The following PTBP1 variants were observed in gnomAD, a reference collection of about 807,000 sequenced individuals.
The protein encoded by PTBP1 is polypyrimidine tract binding protein 1, also known as polypyrimidine tract-binding protein 1.
A neutral mutation model predicts 59.8 loss-of-function variants in PTBP1; 8 were observed. The observed-to-expected ratio is 0.13, with a 90% confidence interval of 0.08 to 0.24. The LOEUF (loss-of-function observed/expected upper bound fraction) is 0.24, where lower values mean the gene tolerates loss of function less well. PTBP1 is among the 10% of genes least tolerant of loss of function. The pLI, the probability that PTBP1 is intolerant of heterozygous loss-of-function variation, is 1.00. For missense variants in PTBP1, 686 were observed against 767.0 expected, an observed-to-expected ratio of 0.89 and a Z score of 1.25; for synonymous variants, 490 against 320.7, an observed-to-expected ratio of 1.53 and a Z score of -5.64.
At position 811,592 on chromosome 19, in the gene PTBP1, G is replaced by C. The variant is rs2034878394; in HGVS notation, c.*766G>C. 6.6e-6 allele frequency: 1 copy of C among 152,368 alleles called. No individual in the cohort carries two copies. Among genetic ancestry groups the C allele is most frequent in the South Asian group, 2.1e-4 (1 of 4,834 alleles). The allele number at this position is 152,368 out of a possible 1,614,324, so 9.4% of individuals were successfully genotyped here. The stretch of plus-strand genomic sequence containing the variant: ...TGAGTGTAATCTAAACTTCCTTGTG[G>C]TATTACCTTGTATGCTGTTACTTTT... On this transcript the variant is annotated 3_prime_UTR_variant, in exon 15 of 15. Transcript: ENST00000356948.
intron 13 of PTBP1, among the ~76,000 whole-genome samples, chr19:810,127 T>G (rs1294475865): frequency 6.6e-6 from 1 of 152,186 alleles, no homozygotes; most frequent in Non-Finnish European, 1.5e-5. Context: ...GCCAACCTGG[T>G]GAAACCCCGT....
At position 812,066 on chromosome 19, in the gene PTBP1, C is replaced by T. The variant is rs946975132; in HGVS notation, c.*1240C>T. The T allele has an allele frequency of 1.6e-4, 25 of 152,328 alleles. No individual in the cohort carries two copies. Among genetic ancestry groups the T allele is most frequent in the African/African-American group, 5.1e-4 (21 of 41,420 alleles). The allele number at this position is 152,328 out of a possible 1,614,324, so 9.4% of individuals were successfully genotyped here. ...TTGTGAGACCCGAGGGGCGGCGGCG[C>T]GGTTTTTTATGGTGACACAAATGTA... On this transcript the variant is annotated 3_prime_UTR_variant, in exon 15 of 15. Transcript: ENST00000356948.
intron 1 of PTBP1, 56 bp from the exon 2 acceptor site, chr19:799,357 C>T: frequency 6.5e-7 from 1 of 1,544,198 alleles, no homozygotes; most frequent in Non-Finnish European, 9.0e-7. Flanking sequence ...CAGCTGGGTG[C>T]TCCTGCTGCT....
At chr19:803,782 C>A (rs1237724592) in intron 3 of PTBP1, 146 bp downstream of exon 3, 4 of 846,692 alleles carry the variant, frequency 4.7e-6, no homozygotes, top group East Asian at 2.5e-5. Flanking sequence ...GTTCTCGCTG[C>A]AGAGAATTTC....
intron 2 of PTBP1, among the ~76,000 whole-genome samples, chr19:803,106 G>T (rs1332630926): frequency 6.6e-6 from 1 of 152,234 alleles, no homozygotes; most frequent in African/African-American, 2.4e-5. Context: ...GCCACCAGAA[G>T]TGAGGACGGC....
Position 808,604 on chromosome 19 carries a change from G to A in PTBP1, c.1305G>A (p.Ser435=), listed in dbSNP as rs774779978. Residue 435 remains serine, a synonymous_variant, in exon 13 of 15, where the codon TCG becomes TCA. Coordinates refer to ENST00000356948, the MANE Select transcript of PTBP1 (RefSeq NM_002819.5). This position sits in a 1 kb window ranked among gnomAD's most constrained non-coding sequence, Gnocchi z 4.7. ...GGAAGCCCATCCGCATCACGCTCTC[G>A]AAGCACCAGAACGTGCAGCTGCCCC... ...LHGKPIRITL[S]KHQNVQLPRE... is the part of the protein sequence containing the mutation. 84 of 1,608,902 alleles carry A rather than the reference G, an allele frequency of 5.2e-5. No individual in the cohort carries two copies. Among genetic ancestry groups the A allele is most frequent in the Middle Eastern group, 2.2e-4 (1 of 4,546 alleles).
At chr19:809,842 A>C (rs909497217) in intron 13 of PTBP1, among the ~76,000 whole-genome samples, 8 of 152,194 alleles carry the variant, frequency 5.3e-5, no homozygotes, top group Non-Finnish European at 1.2e-4. Flanking sequence ...TTGAGGTTGC[A>C]GTGAGCTGTG....
chr19:807,612 G>T, intron 10 of PTBP1: 2 of 438,066 alleles, frequency 4.6e-6, no homozygotes, highest in Non-Finnish European at 4.0e-6. Flanking sequence ...CCAACTGACT[G>T]CACGGTACTT....
chr19:810,302 T>C (rs2034795648), intron 13 of PTBP1, among the ~76,000 whole-genome samples: 1 of 140,010 alleles, frequency 7.1e-6, no homozygotes, highest in African/African-American at 2.7e-5. Context: ...CAAGATTCCA[T>C]CTGGAAAAAA....
chr19:803,715 C>CT (rs2034438149), intron 3 of PTBP1, 79 bp downstream of exon 3: 2 of 1,313,228 alleles, frequency 1.5e-6, no homozygotes, highest in Non-Finnish European at 2.2e-6. Context: ...TTCTGGGACT[C>CT]TACTTTCCAT....
At chr19:805,616 C>T (rs2034529423) in intron 9 of PTBP1, 47 bp downstream of exon 9, 1 of 1,494,752 alleles carries the variant, frequency 6.7e-7, no homozygotes, top group African/African-American at 1.4e-5. Context: ...CATGCCCACA[C>T]CACCTTCCCA....
In PTBP1 at chr19:810,847, G is replaced by T. The variant is rs758618601; in HGVS notation, c.*21G>T. On this transcript the variant is annotated 3_prime_UTR_variant, in exon 15 of 15. Transcript: ENST00000356948. Reference sequence around the variant, plus strand: ...TCTAGGGGCACAGGCCCCCACGGCCGGGCCCCCTGGCGACAACTTCCATCA... The same window carrying T: ...TCTAGGGGCACAGGCCCCCACGGCCTGGCCCCCTGGCGACAACTTCCATCA... 9.9e-6 allele frequency: 15 copies of T among 1,511,988 alleles called. No individual in the cohort carries two copies. Among genetic ancestry groups the T allele is most frequent in the Non-Finnish European group, 1.3e-5 (15 of 1,138,094 alleles). The allele number at this position is 1,511,988 out of a possible 1,614,324, so 93.7% of individuals were successfully genotyped here.
In PTBP1 at chr19:810,534, C is replaced by T. The variant is rs1429616916; in HGVS notation, c.1464-9C>T. The T allele has an allele frequency of 1.3e-5, 21 of 1,612,372 alleles. No homozygotes were observed. The highest frequency in any genetic ancestry group is 1.3e-5 in the African/African-American group (1 of 74,788). On this transcript the variant is annotated splice_polypyrimidine_tract_variant and intron_variant, in intron 13 of 14. Transcript: ENST00000356948. ...GCGGCCCCAGGCTCACGCCTTTCTC[C>T]TCCCACAGGCCCTCAGTCTCCGAGG...
Position 806,266 on chromosome 19 carries a change from A to G in PTBP1, c.971-142A>G, listed in dbSNP as rs1023380877. On this transcript the variant is annotated intron_variant, in intron 9 of 14. Coordinates refer to ENST00000356948, the MANE Select transcript of PTBP1 (RefSeq NM_002819.5). ...CTGTGCGGGGGTCGGACGACCCCAC[A>G]GGCACCCAGGGTAGGGCCAGAGCCA... is the stretch of plus-strand genomic sequence containing the variant. 6.3e-6 allele frequency: 6 copies of G among 957,208 alleles called. 1 individual carries two copies. Among genetic ancestry groups the G allele is most frequent in the South Asian group, 4.1e-5 (2 of 49,204 alleles). The allele number at this position is 957,208 out of a possible 1,614,324, so 59.3% of individuals were successfully genotyped here.
At chr19:806,682 C>G (rs1382950123) in intron 10 of PTBP1, 126 bp downstream of exon 10, 6 of 903,308 alleles carry the variant, frequency 6.6e-6, no homozygotes, top group Middle Eastern at 2.8e-4. Flanking sequence ...CTGGCAGCCC[C>G]TCTGCTGCAG....
chr19:809,217 C>T (rs745577023), intron 13 of PTBP1, among the ~76,000 whole-genome samples: 1 of 151,228 alleles, frequency 6.6e-6, no homozygotes, highest in Non-Finnish European at 1.5e-5. Context: ...CCATATTGGC[C>T]AGGCTGATCT....
At chr19:797,587 C>A in intron 1 of PTBP1, 82 bp downstream of exon 1, 1 of 992,232 alleles carries the variant, frequency 1.0e-6, no homozygotes, top group Non-Finnish European at 1.3e-6. Context: ...CTCCCCGGGG[C>A]CGATCTCGCC....
chr19:798,526 C>T (rs2034183645), intron 1 of PTBP1: 1 of 152,294 alleles, frequency 6.6e-6, no homozygotes, highest in South Asian at 2.1e-4. Flanking sequence ...GTCTGGACCC[C>T]TTAGCATGCG....
Position 811,662 on chromosome 19 carries a change from G to C in PTBP1, c.*836G>C, listed in dbSNP as rs1440838190. 1.3e-5 allele frequency: 2 copies of C among 152,390 alleles called. No individual in the cohort carries two copies. Among genetic ancestry groups the C allele is most frequent in the East Asian group, 3.8e-4 (2 of 5,200 alleles). The allele number at this position is 152,390 out of a possible 1,614,324, so 9.4% of individuals were successfully genotyped here. A position where few individuals can be genotyped will look rare whatever the true frequency, so the allele number is the denominator to read the frequency against. On this transcript the variant is annotated 3_prime_UTR_variant, in exon 15 of 15. Coordinates refer to ENST00000356948, the MANE Select transcript of PTBP1 (RefSeq NM_002819.5). ...AGTCACAGGCAGGACCCAGTTTCCA[G>C]AGAGCAGGCGGGGCCGCCCAGTGGG...
Sources: gnomAD v4.1 joint callset for allele counts (sites outside exome capture counted in the v4.1 genomes callset) on GRCh38, gnomAD v4.1.1 for gene constraint, Gnocchi (gnomAD v3.1) non-coding constraint, MANE v1.5 for transcripts, NCBI Gene and HGNC (gene_info 2026-07-23, HGNC 2026-07-21) for gene names.